The following G2E3 variants were observed in gnomAD, a reference collection of about 807,000 sequenced individuals.
G2E3 encodes the protein G2/M-phase specific E3 ubiquitin protein ligase, also known as G2/M phase-specific E3 ubiquitin-protein ligase.
G2E3 carries 35 observed loss-of-function variants against 92.8 expected under a neutral mutation model. That is an observed-to-expected ratio of 0.38 (90% CI 0.29 to 0.50). G2E3 has a LOEUF of 0.50. Ranked by LOEUF, G2E3 falls within the 20% of genes least tolerant of loss-of-function variation. The probability of loss-of-function intolerance (pLI) is 0.94; values close to 1 mark genes in which losing one functional copy is unlikely to be tolerated. For missense variants in G2E3, 554 were observed against 823.8 expected, an observed-to-expected ratio of 0.67 and a Z score of 4.01; for synonymous variants, 242 against 272.4, an observed-to-expected ratio of 0.89 and a Z score of 1.10.
At chr14:30,572,838 A>G (rs1488740297) in intron 1 of G2E3, among the ~76,000 whole-genome samples, 1 of 151,900 alleles carries the variant, frequency 6.6e-6, no homozygotes, top group Non-Finnish European at 1.5e-5. Flanking sequence ...TTCTAGTTTG[A>G]GGGATGATAA....
chr14:30,597,138 A>AT (rs879660327), intron 6 of G2E3, among the ~76,000 whole-genome samples: 2 of 152,206 alleles, frequency 1.3e-5, no homozygotes, highest in Admixed American at 1.3e-4. Flanking sequence ...ATTTAGTAAC[A>AT]TTACACAGTA....
chr14:30,567,441 A>G (rs572532159), intron 1 of G2E3, among the ~76,000 whole-genome samples: 1 of 152,158 alleles, frequency 6.6e-6, no homozygotes, highest in South Asian at 2.1e-4. Context: ...TTAGAGTACA[A>G]TTGTTCATAA....
chr14:30,597,671 C>A (rs184017688), intron 7 of G2E3, 145 bp downstream of exon 7: 2 of 609,186 alleles, frequency 3.3e-6, no homozygotes, highest in Non-Finnish European at 5.9e-6. Flanking sequence ...TCTCCTCCCC[C>A]ACATGGCCAG....
rs947243155 is a variant in G2E3, at chr14:30,605,590, A to G, written c.1096A>G (p.Ile366Val). 1 of 1,542,338 alleles carries G rather than the reference A, an allele frequency of 6.5e-7. No individual in the cohort carries two copies. The highest frequency in any genetic ancestry group is 8.9e-7 in the Non-Finnish European group (1 of 1,121,070). ...TAAAAAAAAAACTAAAAGATTGTAT[A>G]TCAACAAAGCCAATATCTGGAATAG... Reference protein sequence around the residue: ...QIKKKTKRLYINKANIWNSAL... With the variant: ...QIKKKTKRLYVNKANIWNSAL... The change falls in exon 11 of 15, where the codon ATC (isoleucine) becomes GTC (valine). Residue 366 changes from isoleucine (I) to valine (V), a missense_variant. By Grantham distance (29) the Ile-to-Val change is conservative. Around this residue, in one of 3 missense-constraint regions of G2E3, gnomAD observed 397 missense variants for 560.3 expected, o/e 0.71. Coordinates refer to ENST00000206595, the MANE Select transcript of G2E3 (RefSeq NM_017769.5).
At chr14:30,599,479 G>A (rs898800053) in intron 8 of G2E3, among the ~76,000 whole-genome samples, 1 of 151,946 alleles carries the variant, frequency 6.6e-6, no homozygotes, top group Non-Finnish European at 1.5e-5. Flanking sequence ...TGCCCGCCTC[G>A]GCCTCCCAAA....
At chr14:30,603,963 CTG>C (rs1881701663) in intron 10 of G2E3, among the ~76,000 whole-genome samples, 1 of 152,166 alleles carries the variant, frequency 6.6e-6, no homozygotes, top group African/African-American at 2.4e-5. Context: ...TGAAGAATAT[CTG>C]TTTTACTATG....
Position 30,609,231 on chromosome 14 carries a change from CT to C in G2E3, c.1500+1165del, listed in dbSNP as rs1447012632. 2.0e-5 allele frequency among the ~76,000 whole-genome samples: 3 copies of C among 152,080 alleles called. No homozygotes were observed. In the East Asian group the frequency reaches 5.8e-4, roughly 29 times the overall value. Reference sequence around the variant, plus strand: ...TTCTTCGTTTTTCTTTTTGTGCCCTCTTTACTAAAAAAAAAGTATATTTAAG... The same window carrying C: ...TTCTTCGTTTTTCTTTTTGTGCCCTCTTACTAAAAAAAAAGTATATTTAAG... On this transcript the variant is annotated intron_variant, in intron 12 of 14. Coordinates refer to ENST00000206595, the MANE Select transcript of G2E3 (RefSeq NM_017769.5).
At chr14:30,577,460 T>C (rs111479046) in intron 1 of G2E3, among the ~76,000 whole-genome samples, 1 of 152,336 alleles carries the variant, frequency 6.6e-6, no homozygotes, top group Non-Finnish European at 1.5e-5. Context: ...TGTGTGGTTC[T>C]GGCTTAGGGT....
intron 13 of G2E3, among the ~76,000 whole-genome samples, chr14:30,612,686 C>T (rs1247331550): frequency 1.3e-5 from 2 of 151,868 alleles, no homozygotes; most frequent in Non-Finnish European, 1.5e-5. Flanking sequence ...GGTGAAACCC[C>T]GTCTGTACTA....
Position 30,607,909 on chromosome 14 carries a change from A to G in G2E3, c.1340A>G (p.Tyr447Cys). Residue 447 changes from tyrosine (Y) to cysteine (C), a missense_variant, in exon 12 of 15, where the codon TAT (tyrosine) becomes TGT (cysteine). By Grantham distance (194) the Tyr-to-Cys change is radical. Transcript: ENST00000206595. ...NSQALKENLY[Y>C]EAGKMLAISL... Reference sequence around the variant, plus strand: ...ACAGCTCTGAAAGAGAATCTTTACTATGAAGCTGGCAAAATGCTTGCCATT... The same window carrying G: ...ACAGCTCTGAAAGAGAATCTTTACTGTGAAGCTGGCAAAATGCTTGCCATT... The G allele has an allele frequency of 1.9e-6, 3 of 1,603,606 alleles. No individual in the cohort carries two copies. The highest frequency in any genetic ancestry group is 4.5e-5 in the East Asian group (2 of 44,618).
chr14:30,591,638 C>G (rs1881018155), intron 4 of G2E3, among the ~76,000 whole-genome samples: 1 of 152,176 alleles, frequency 6.6e-6, no homozygotes, highest in Admixed American at 6.5e-5. Flanking sequence ...TCTATCTTCA[C>G]AGGCCTTTCT....
chr14:30,610,424 G>A (rs1187171575), intron 12 of G2E3, among the ~76,000 whole-genome samples: 2 of 152,054 alleles, frequency 1.3e-5, no homozygotes, highest in Non-Finnish European at 2.9e-5. Flanking sequence ...GACCAGCCTG[G>A]CCAACATGGT....
intron 1 of G2E3, among the ~76,000 whole-genome samples, chr14:30,580,203 T>G (rs170663): frequency 0.49 from 73,459 of 151,428 alleles, 20,445 homozygotes; most frequent in African/African-American, 0.76. Context: ...ATTGTTTTTG[T>G]TTTTTTTTGT....
chr14:30,561,153 A>G (rs1411868615), intron 1 of G2E3, among the ~76,000 whole-genome samples: 1 of 152,244 alleles, frequency 6.6e-6, no homozygotes. Flanking sequence ...TTGAGTTACT[A>G]AACTGTAAAA....
At chr14:30,615,619 T>C (rs1366338413) in intron 14 of G2E3, 80 bp downstream of exon 14, 2 of 895,956 alleles carry the variant, frequency 2.2e-6, no homozygotes, top group Admixed American at 2.8e-5. Flanking sequence ...TATTTGTGTA[T>C]GTTTTGCCTT....
chr14:30,607,603 A>G (rs1212904648), intron 11 of G2E3, among the ~76,000 whole-genome samples: 5 of 152,178 alleles, frequency 3.3e-5, no homozygotes, highest in Non-Finnish European at 7.4e-5. Context: ...CTTGACCACA[A>G]CATCCTTATA....
rs781194475 is a variant in G2E3, at chr14:30,605,828, ATTG to A, written c.1318+21_1318+23del. ...AATTCTCAAGGTAATTATTTTATTT[ATTG>A]TTGTATATACCAAATATCACATGTA... On this transcript the variant is annotated intron_variant, in intron 11 of 14. Transcript: ENST00000206595. The A allele has an allele frequency of 7.6e-7, 1 of 1,320,102 alleles. No homozygotes were observed. The highest frequency in any genetic ancestry group is 1.5e-5 in the African/African-American group (1 of 67,816). The allele number at this position is 1,320,102 out of a possible 1,614,324, so 81.8% of individuals were successfully genotyped here.
At chr14:30,567,266 A>T (rs1292062256) in intron 1 of G2E3, among the ~76,000 whole-genome samples, 1 of 152,134 alleles carries the variant, frequency 6.6e-6, no homozygotes, top group East Asian at 1.9e-4. Context: ...TCAAAGGTTT[A>T]ATAGGGTTCA....
chr14:30,595,849 ATTG>A, intron 6 of G2E3, among the ~76,000 whole-genome samples: 1 of 152,308 alleles, frequency 6.6e-6, no homozygotes, highest in African/African-American at 2.4e-5. Flanking sequence ...GAGACTAGAG[ATTG>A]CTATCAAAGA....
Sources: allele counts gnomAD v4.1 joint callset (sites outside exome capture counted in the v4.1 genomes callset), GRCh38; gene constraint gnomAD v4.1.1; regional missense constraint gnomAD v4.1.1; transcripts MANE v1.5; gene names NCBI Gene and HGNC (gene_info 2026-07-23, HGNC 2026-07-21).